ITGAM: variants seen among roughly 807,000 people sequenced by gnomAD.
ITGAM encodes the protein integrin alpha-M.
Under a neutral mutation model 137.5 loss-of-function variants are expected in ITGAM, and 79 were observed. That is an observed-to-expected ratio of 0.57 (90% confidence interval 0.48 to 0.69). The LOEUF (loss-of-function observed/expected upper bound fraction) is 0.69, where lower values mean the gene tolerates loss of function less well. Among genes scored for constraint, ITGAM ranks in the 30% least tolerant of loss-of-function variants. The pLI, the probability that ITGAM is intolerant of heterozygous loss-of-function variation, is 0.00. For synonymous variants in ITGAM, 583 were observed against 592.3 expected, an observed-to-expected ratio of 0.98 and a Z score of 0.23; for missense variants, 1,343 against 1,483.5, an observed-to-expected ratio of 0.91 and a Z score of 1.56.
intron 12 of ITGAM, among the ~76,000 whole-genome samples, chr16:31,293,062 G>A (rs898249927): frequency 6.6e-6 from 1 of 152,012 alleles, no homozygotes; most frequent in African/African-American, 2.4e-5. Context: ...GTCTTCTTTC[G>A]AAAAGTGTCT....
intron 5 of ITGAM, among the ~76,000 whole-genome samples, chr16:31,267,992 C>T (rs570339209): frequency 1.3e-5 from 2 of 152,228 alleles, no homozygotes; most frequent in South Asian, 2.1e-4. Context: ...TTAACTTCCC[C>T]CTTCCTCTGG....
chr16:31,325,148 C>G (rs760723557), intron 19 of ITGAM, 115 bp from the exon 20 acceptor site: 94 of 1,468,466 alleles, frequency 6.4e-5, no homozygotes, highest in Non-Finnish European at 8.3e-5. Flanking sequence ...TCCGGTGTGG[C>G]TGCCCCTCCA....
chr16:31,321,219 C>T (rs759931289), intron 14 of ITGAM, 22 bp from the exon 15 acceptor site: 1 of 1,613,324 alleles, frequency 6.2e-7, no homozygotes, highest in South Asian at 1.1e-5. Context: ...TTTCTCTCTC[C>T]ACACCTCTTT....
chr16:31,302,762 C>A (rs2080220936), intron 14 of ITGAM, among the ~76,000 whole-genome samples: 1 of 151,776 alleles, frequency 6.6e-6, no homozygotes, highest in African/African-American at 2.4e-5. Context: ...GTCTCGAACA[C>A]CTGACCTTGT....
intron 12 of ITGAM, among the ~76,000 whole-genome samples, chr16:31,294,344 A>T (rs1356190191): frequency 6.6e-6 from 1 of 152,090 alleles, no homozygotes; most frequent in Non-Finnish European, 1.5e-5. Flanking sequence ...GCTTTTGCCC[A>T]TCAAGTATGA....
chr16:31,317,051 AT>A (rs905147761), intron 14 of ITGAM, among the ~76,000 whole-genome samples: 2 of 151,436 alleles, frequency 1.3e-5, no homozygotes, highest in Non-Finnish European at 1.5e-5. Flanking sequence ...AACAGGGACA[AT>A]TTTTTTTTCT....
intron 14 of ITGAM, among the ~76,000 whole-genome samples, chr16:31,307,793 A>G (rs2080281029): frequency 1.3e-5 from 2 of 152,158 alleles, no homozygotes; most frequent in Admixed American, 1.3e-4. Context: ...TTTGTCATAG[A>G]TAGCTCTTAT....
intron 22 of ITGAM, 94 bp from the exon 23 acceptor site, chr16:31,328,050 TTGG>T: frequency 2.2e-6 from 2 of 917,568 alleles, no homozygotes; most frequent in East Asian, 2.4e-5. Context: ...ATAACAGAAC[TTGG>T]TGGCTGATTG....
intron 14 of ITGAM, among the ~76,000 whole-genome samples, chr16:31,305,599 GATA>G (rs1434558331): frequency 6.6e-6 from 1 of 152,046 alleles, no homozygotes; most frequent in Admixed American, 6.6e-5. Context: ...GCTTTTGTCA[GATA>G]ATGGCTTTTA....
rs1274282417 is a variant in ITGAM, at chr16:31,297,875, C to T, written c.1628C>T (p.Pro543Leu). The T allele has an allele frequency of 6.2e-7, 1 of 1,613,914 alleles. No homozygotes were observed. Among genetic ancestry groups the T allele is most frequent in the Admixed American group, 1.7e-5 (1 of 59,972 alleles). The change falls in exon 14 of 30, where the codon CCA becomes CTA. Residue 543 changes from proline to leucine, a missense_variant. Physicochemically the swap from Pro to Leu is moderately conservative, Grantham distance 98. Coordinates refer to ENST00000544665, the MANE Select transcript of ITGAM (RefSeq NM_000632.4). ...CTGACGGACGTGGCCATTGGGGCCC[C>T]AGGAGAGGAGGACAACCGGGGTGCT... ...DKLTDVAIGA[P>L]GEEDNRGAVY...
chr16:31,302,428 C>CTTTCTTTCTTTCTTCT (rs71390270), intron 14 of ITGAM, among the ~76,000 whole-genome samples: 1 of 103,126 alleles, frequency 9.7e-6, no homozygotes, highest in African/African-American at 5.5e-5. Flanking sequence ...TTCTTTCTTT[C>CTTTCTTTCTTTCTTCT]TTCTTTCTTT....
Position 31,324,464 on chromosome 16 carries a change from G to A in ITGAM, c.2068G>A (p.Val690Ile), listed in dbSNP as rs139908772. Reference protein sequence around the residue: ...LDSGRPHSRAVFNETKNSTRR... With the variant: ...LDSGRPHSRAIFNETKNSTRR... Reference sequence around the variant, plus strand: ...CTCCGGCCGCCCACATTCCCGCGCCGTCTTCAATGAGACAAAGAACAGCAC... The same window carrying A: ...CTCCGGCCGCCCACATTCCCGCGCCATCTTCAATGAGACAAAGAACAGCAC... The change falls in exon 17 of 30, where the codon GTC becomes ATC. Residue 690 changes from valine (V) to isoleucine (I), a missense_variant. Val to Ile is a conservative substitution (Grantham distance 29). Transcript: ENST00000544665. The surrounding 1 kb of genome is among the most constrained non-coding windows in gnomAD (Gnocchi z 4.5). The A allele has an allele frequency of 1.8e-4, 290 of 1,571,678 alleles. No homozygotes were observed. The African/African-American group carries it at 3.4e-3, about 18-fold the overall frequency.
chr16:31,265,901 A>G lies in ITGAM; in HGVS notation c.309+20A>G. On this transcript the variant is annotated intron_variant, in intron 4 of 29. Coordinates refer to ENST00000544665, the MANE Select transcript of ITGAM (RefSeq NM_000632.4). Reference sequence around the variant, plus strand: ...CTGCTGGTGAGTGGGGCTCGATCAGAGGAGCATCCTAATGGGGGTGTTTGG... The same window carrying G: ...CTGCTGGTGAGTGGGGCTCGATCAGGGGAGCATCCTAATGGGGGTGTTTGG... The G allele has an allele frequency of 6.2e-7, 1 of 1,612,368 alleles. No individual in the cohort carries two copies. Among genetic ancestry groups the G allele is most frequent in the South Asian group, 1.1e-5 (1 of 91,038 alleles).
In ITGAM at chr16:31,297,906, C is replaced by T; in HGVS notation, c.1659C>T (p.Tyr553=). The change falls in exon 14 of 30, where the codon TAC becomes TAT. Residue 553 remains tyrosine, a synonymous_variant. Coordinates refer to ENST00000544665, the MANE Select transcript of ITGAM (RefSeq NM_000632.4). ...PGEEDNRGAV[Y]LFHGTSGSGI... ...AGGAGGACAACCGGGGTGCTGTTTA[C>T]CTGTTTCACGGAACCTCAGGATCTG... 1 of 1,613,846 alleles carries T rather than the reference C, an allele frequency of 6.2e-7. No homozygotes were observed. Among genetic ancestry groups the T allele is most frequent in the Non-Finnish European group, 8.5e-7 (1 of 1,179,956 alleles).
chr16:31,270,985 C>T lies in ITGAM; in HGVS notation c.459C>T (p.Phe153=), dbSNP rs778999486. The T allele has an allele frequency of 6.3e-7, 1 of 1,585,806 alleles. No homozygotes were observed. Among genetic ancestry groups the T allele is most frequent in the South Asian group, 1.2e-5 (1 of 86,654 alleles). ...GCPQEDSDIA[F]LIDGSGSIIP... is the part of the protein sequence containing the mutation. ...CTCAAGAGGATAGTGACATTGCCTT[C>T]TTGATTGATGGCTCTGGTAGCATCA... The change falls in exon 6 of 30, where the codon TTC becomes TTT. Residue 153 remains phenylalanine (F), a synonymous_variant. Transcript: ENST00000544665.
chr16:31,310,528 C>T (rs902495341), intron 14 of ITGAM, among the ~76,000 whole-genome samples: 6 of 152,284 alleles, frequency 3.9e-5, no homozygotes, highest in South Asian at 2.1e-4. Flanking sequence ...GTTCTCGTGC[C>T]GTGGTTTTCA....
intron 7 of ITGAM, 116 bp from the exon 8 acceptor site, chr16:31,273,249 T>G: frequency 3.5e-6 from 3 of 867,448 alleles, no homozygotes; most frequent in Non-Finnish European, 5.3e-6. Context: ...TGAGCTATGA[T>G]TGTGTCTCTG....
At chr16:31,302,858 T>C (rs1053620117) in intron 14 of ITGAM, among the ~76,000 whole-genome samples, 2 of 151,712 alleles carry the variant, frequency 1.3e-5, no homozygotes, top group African/African-American at 4.8e-5. Context: ...TCTTTCTTCT[T>C]TCTTTCTCTC....
chr16:31,267,573 C>T (rs1000456783), intron 5 of ITGAM, among the ~76,000 whole-genome samples: 1 of 152,204 alleles, frequency 6.6e-6, no homozygotes, highest in Non-Finnish European at 1.5e-5. Context: ...ACCTGTCTCT[C>T]CTCTGTCCCA....
Sources: gnomAD v4.1 joint callset for allele counts (sites outside exome capture counted in the v4.1 genomes callset) on GRCh38, gnomAD v4.1.1 for gene constraint, Gnocchi (gnomAD v3.1) non-coding constraint, MANE v1.5 for transcripts, NCBI Gene and HGNC (gene_info 2026-07-23, HGNC 2026-07-21) for gene names.